Variants in LRRC7 observed in about 807,000 individuals in gnomAD.
The protein encoded by LRRC7 is leucine rich repeat containing 7, also known as leucine-rich repeat-containing protein 7.
A neutral mutation model predicts 175.7 loss-of-function variants in LRRC7; 23 were observed. The ratio of observed to expected loss-of-function variants is 0.13; its 90% confidence interval spans 0.09 to 0.19. The LOEUF (loss-of-function observed/expected upper bound fraction) is 0.19. Among genes scored for constraint, LRRC7 ranks in the 10% least tolerant of loss-of-function variants. The pLI, the probability that LRRC7 is intolerant of heterozygous loss-of-function variation, is 1.00. For missense variants in LRRC7, 1,354 were observed against 1,904.7 expected, an observed-to-expected ratio of 0.71 and a Z score of 5.38; for synonymous variants, 685 against 680.9, an observed-to-expected ratio of 1.01 and a Z score of -0.09.
intron 18 of LRRC7, among the ~76,000 whole-genome samples, chr1:70,030,665 T>C (rs1658620423): frequency 6.6e-6 from 1 of 152,170 alleles, no homozygotes; most frequent in Admixed American, 6.6e-5. Flanking sequence ...AAGAGGGTAT[T>C]ATACACTGCA....
chr1:69,575,557 A>T (rs1476854633), intron 1 of LRRC7, among the ~76,000 whole-genome samples: 1 of 152,170 alleles, frequency 6.6e-6, no homozygotes, highest in African/African-American at 2.4e-5. Context: ...TTTTTAAAAT[A>T]TCTTTATTTA....
intron 7 of LRRC7, among the ~76,000 whole-genome samples, chr1:69,845,635 A>G (rs944881822): frequency 6.6e-6 from 1 of 152,078 alleles, no homozygotes; most frequent in African/African-American, 2.4e-5. Context: ...TGACTAAGTC[A>G]TGTTTCCATT....
In LRRC7 at chr1:69,879,225, A is replaced by AAC. The variant is rs1340010075; in HGVS notation, c.647+40943_647+40944insCA. Among the ~76,000 whole-genome samples the AAC allele has an allele frequency of 1.2e-3, 182 of 148,596 alleles. 3 individuals are homozygous for AAC. In the East Asian group the frequency reaches 0.024, roughly 20 times the overall value. The stretch of plus-strand genomic sequence containing the variant: ...CTAAAACTGCTTTAAAAAAAAAAAA[A>AAC]AAAAAAAAAAAGACTGCGCACTGGC... On this transcript the variant is annotated intron_variant, in intron 7 of 26. Transcript: ENST00000651989.
intron 8 of LRRC7, among the ~76,000 whole-genome samples, chr1:69,936,318 C>T (rs1455667571): frequency 6.6e-6 from 1 of 152,074 alleles, no homozygotes; most frequent in Non-Finnish European, 1.5e-5. Flanking sequence ...CCCTATAACT[C>T]AATTTTTTAT....
chr1:69,691,740 G>C (rs1049541256), intron 2 of LRRC7, among the ~76,000 whole-genome samples: 2 of 145,738 alleles, frequency 1.4e-5, no homozygotes, highest in African/African-American at 5.1e-5. Context: ...CGAGGCTGCA[G>C]TGAGTTGTGA....
At chr1:69,691,311 T>A (rs1661824948) in intron 2 of LRRC7, among the ~76,000 whole-genome samples, 1 of 152,106 alleles carries the variant, frequency 6.6e-6, no homozygotes, top group Non-Finnish European at 1.5e-5. Flanking sequence ...AAAAGATTAT[T>A]ATTGTAGCAC....
chr1:69,759,651 A>T (rs1437912769), intron 2 of LRRC7, among the ~76,000 whole-genome samples: 1 of 152,048 alleles, frequency 6.6e-6, no homozygotes, highest in East Asian at 1.9e-4. Context: ...CACTGTCTCC[A>T]CTAGAACAGT....
chr1:69,716,860 G>C (rs1665411158), intron 2 of LRRC7, among the ~76,000 whole-genome samples: 1 of 151,682 alleles, frequency 6.6e-6, no homozygotes, highest in Admixed American at 6.6e-5. Flanking sequence ...ATAGCAAGAA[G>C]AATCTTTGAA....
intron 8 of LRRC7, among the ~76,000 whole-genome samples, chr1:69,968,928 C>G (rs1188661656): frequency 2.0e-5 from 3 of 152,024 alleles, no homozygotes; most frequent in Admixed American, 1.3e-4. Context: ...ACACCATTCT[C>G]TTGACTCAGC....
intron 1 of LRRC7, among the ~76,000 whole-genome samples, chr1:69,586,432 G>A (rs901294533): frequency 6.6e-6 from 1 of 152,196 alleles, no homozygotes; most frequent in East Asian, 1.9e-4. Flanking sequence ...GCAAAATGGG[G>A]CTCCCTAAGC....
At chr1:69,864,970 T>C (rs936680136) in intron 7 of LRRC7, among the ~76,000 whole-genome samples, 5 of 152,148 alleles carry the variant, frequency 3.3e-5, no homozygotes, top group African/African-American at 1.2e-4. Flanking sequence ...AGATTGCTGG[T>C]CCTTGAAAAA....
chr1:69,573,537 G>A lies in LRRC7; in HGVS notation c.2+4896G>A, dbSNP rs1645822579. Among the ~76,000 whole-genome samples, 5 of 152,030 alleles carry A rather than the reference G, an allele frequency of 3.3e-5. No homozygotes were observed. In the South Asian group the frequency reaches 8.3e-4, roughly 25 times the overall value. On this transcript the variant is annotated intron_variant, in intron 1 of 26. Coordinates refer to ENST00000651989, the MANE Select transcript of LRRC7 (RefSeq NM_001370785.2). ...AATCTGTCATATAAAAGTACATTATGGAAGTTTTCAATAAAGCAAATTTTG... is the reference window on the plus strand; with the variant it reads ...AATCTGTCATATAAAAGTACATTATAGAAGTTTTCAATAAAGCAAATTTTG...
chr1:69,612,072 T>C lies in LRRC7; in HGVS notation c.2+43431T>C, dbSNP rs140832686. On this transcript the variant is annotated intron_variant, in intron 1 of 26. Coordinates refer to ENST00000651989, the MANE Select transcript of LRRC7 (RefSeq NM_001370785.2). ...CTTCACGATTTTCCCTTTGCTTTTC[T>C]ATGCCACCCACATTTAATGATGTCT... 1.6e-3 allele frequency among the ~76,000 whole-genome samples: 237 copies of C among 152,196 alleles called. 2 individuals carry two copies. Among genetic ancestry groups the C allele is most frequent in the African/African-American group, 5.2e-3 (218 of 41,568 alleles).
chr1:69,720,896 A>G (rs925612467), intron 2 of LRRC7, among the ~76,000 whole-genome samples: 2 of 151,962 alleles, frequency 1.3e-5, no homozygotes, highest in African/African-American at 4.8e-5. Context: ...TTAAGTGTAC[A>G]GTTCAGTGAC....
chr1:70,068,167 A>G (rs1662115354), intron 23 of LRRC7, among the ~76,000 whole-genome samples: 1 of 152,168 alleles, frequency 6.6e-6, no homozygotes, highest in Non-Finnish European at 1.5e-5. Context: ...GTGAGAGTGT[A>G]CATTTACGTC....
chr1:70,110,295 G>T (rs180958742), intron 26 of LRRC7, among the ~76,000 whole-genome samples: 2 of 152,246 alleles, frequency 1.3e-5, no homozygotes, highest in East Asian at 3.9e-4. Flanking sequence ...TGGGAGAAGT[G>T]CTTGAGCCCA....
At chr1:69,688,021 G>A (rs1186002779) in intron 2 of LRRC7, among the ~76,000 whole-genome samples, 2 of 152,128 alleles carry the variant, frequency 1.3e-5, no homozygotes, top group African/African-American at 4.8e-5. Flanking sequence ...CTTTTGCTGT[G>A]ACTGTTCTTG....
At chr1:69,893,049 G>T (rs1264033434) in intron 7 of LRRC7, among the ~76,000 whole-genome samples, 3 of 152,012 alleles carry the variant, frequency 2.0e-5, no homozygotes, top group Non-Finnish European at 4.4e-5. Flanking sequence ...TTCTCTTGAG[G>T]TGTTTTTCAT....
At chr1:70,052,959 T>A in intron 22 of LRRC7, 67 bp from the exon 23 acceptor site, 1 of 1,454,890 alleles carries the variant, frequency 6.9e-7, no homozygotes, top group South Asian at 1.6e-5. Context: ...CATTAGGGAC[T>A]CTTTTCAGAA....
Sources: gnomAD v4.1 joint callset for allele counts (sites outside exome capture counted in the v4.1 genomes callset) on GRCh38, gnomAD v4.1.1 for gene constraint, MANE v1.5 for transcripts, NCBI Gene and HGNC (gene_info 2026-07-23, HGNC 2026-07-21) for gene names.